Variants in FOXP1 observed in about 807,000 individuals in gnomAD.
FOXP1 encodes the protein forkhead box P1, also known as forkhead box protein P1.
FOXP1 carries 15 observed loss-of-function variants against 98.2 expected under a neutral mutation model. That is an observed-to-expected ratio of 0.15 (90% CI 0.10 to 0.24). The LOEUF is 0.24. Ranked by LOEUF, FOXP1 falls within the 10% of genes least tolerant of loss-of-function variation. FOXP1 has a pLI of 1.00. For missense variants in FOXP1, 633 were observed against 848.5 expected (o/e 0.75, Z 3.15); for synonymous variants, 371 against 314.5 (o/e 1.18, Z -1.90).
intron 6 of FOXP1, among the ~76,000 whole-genome samples, chr3:71,156,021 T>C (rs138510233): frequency 1.3e-5 from 2 of 152,252 alleles, no homozygotes; most frequent in African/African-American, 2.4e-5. Flanking sequence ...TAGGGCTCAG[T>C]TGGGGTTCTC....
chr3:71,009,323 G>A (rs188487680), intron 12 of FOXP1, among the ~76,000 whole-genome samples: 156 of 152,186 alleles, frequency 1.0e-3, no homozygotes, highest in African/African-American at 3.5e-3. Flanking sequence ...ACAGCAAACT[G>A]TGGTCCAAGG....
At chr3:71,549,976 T>A (rs567639368) in intron 2 of FOXP1, among the ~76,000 whole-genome samples, 8 of 151,418 alleles carry the variant, frequency 5.3e-5, no homozygotes, top group East Asian at 1.9e-4. Flanking sequence ...TGTCAAAAAA[T>A]TTTTTTTCAA....
intron 3 of FOXP1, among the ~76,000 whole-genome samples, chr3:71,377,858 T>C (rs2079838666): frequency 6.6e-6 from 1 of 152,238 alleles, no homozygotes; most frequent in Non-Finnish European, 1.5e-5. Flanking sequence ...GCTTCCTTGA[T>C]ACTGAAGATC....
intron 7 of FOXP1, 35 bp downstream of exon 7, chr3:71,112,500 GT>G: frequency 6.8e-7 from 1 of 1,470,154 alleles, no homozygotes; most frequent in South Asian, 1.1e-5. Context: ...ATCCCAAAGG[GT>G]ATAATGTCAA....
intron 2 of FOXP1, among the ~76,000 whole-genome samples, chr3:71,504,393 G>A (rs758872670): frequency 6.6e-6 from 1 of 152,146 alleles, no homozygotes; most frequent in East Asian, 1.9e-4. Context: ...GTGACTCAGC[G>A]GGAAATGGGT....
At chr3:71,327,831 T>C (rs1452228698) in intron 4 of FOXP1, among the ~76,000 whole-genome samples, 1 of 152,206 alleles carries the variant, frequency 6.6e-6, no homozygotes, top group Non-Finnish European at 1.5e-5. Context: ...TAACTCACTC[T>C]TTTTGCTTAT....
chr3:71,544,863 T>C (rs2045231616), intron 2 of FOXP1, among the ~76,000 whole-genome samples: 1 of 151,506 alleles, frequency 6.6e-6, no homozygotes, highest in African/African-American at 2.4e-5. Context: ...TTTTTCCAGA[T>C]TCAGCTTATG....
At chr3:71,338,851 G>T (rs2076843710) in intron 4 of FOXP1, among the ~76,000 whole-genome samples, 1 of 152,192 alleles carries the variant, frequency 6.6e-6, no homozygotes, top group Admixed American at 6.5e-5. Context: ...GTGTGGAAAA[G>T]CAGTAACTAA....
intron 5 of FOXP1, among the ~76,000 whole-genome samples, chr3:71,204,497 G>C (rs957221218): frequency 1.6e-4 from 24 of 152,172 alleles, no homozygotes; most frequent in Admixed American, 6.5e-5. Flanking sequence ...AATCCCAGAT[G>C]AAAGCCACAG....
chr3:71,001,849 A>G (rs2042163310), intron 12 of FOXP1, among the ~76,000 whole-genome samples: 1 of 152,236 alleles, frequency 6.6e-6, no homozygotes, highest in South Asian at 2.1e-4. Context: ...CTTGAAAATA[A>G]AAATTCATGT....
chr3:71,486,652 C>T (rs1328649549), intron 3 of FOXP1, among the ~76,000 whole-genome samples: 3 of 152,136 alleles, frequency 2.0e-5, no homozygotes, highest in Non-Finnish European at 4.4e-5. Context: ...TAAATGATAG[C>T]TTATATGTAC....
chr3:71,146,860 G>A (rs571201685), intron 6 of FOXP1, among the ~76,000 whole-genome samples: 1 of 152,288 alleles, frequency 6.6e-6, no homozygotes, highest in African/African-American at 2.4e-5. Flanking sequence ...TAGTCCCCAG[G>A]GGCTGTGCCC....
chr3:71,099,412 T>G (rs1198541878), intron 7 of FOXP1, among the ~76,000 whole-genome samples: 1 of 152,084 alleles, frequency 6.6e-6, no homozygotes, highest in African/African-American at 2.4e-5. Flanking sequence ...CTCCAGAGGC[T>G]GAGGCGGGAG....
chr3:71,427,535 C>T (rs1560469908), intron 3 of FOXP1, among the ~76,000 whole-genome samples: 1 of 152,218 alleles, frequency 6.6e-6, no homozygotes, highest in Non-Finnish European at 1.5e-5. Flanking sequence ...AAAGGAGCTA[C>T]TGAAGGTTCT....
intron 6 of FOXP1, among the ~76,000 whole-genome samples, chr3:71,117,367 G>A (rs971712384): frequency 6.6e-6 from 1 of 152,198 alleles, no homozygotes; most frequent in Admixed American, 6.5e-5. Flanking sequence ...GATTACAAGT[G>A]TGAGCCACTG....
At chr3:71,246,003 C>A (rs1487245073) in intron 5 of FOXP1, among the ~76,000 whole-genome samples, 1 of 151,808 alleles carries the variant, frequency 6.6e-6, no homozygotes, top group Non-Finnish European at 1.5e-5. Context: ...AAACCACCCC[C>A]CCCCCACCAC....
At chr3:71,277,177 C>A (rs940470595) in intron 5 of FOXP1, among the ~76,000 whole-genome samples, 2 of 151,532 alleles carry the variant, frequency 1.3e-5, no homozygotes, top group Non-Finnish European at 2.9e-5. Context: ...CCAGGATCAT[C>A]TCGATCTCCT....
At chr3:71,231,318 A>G (rs2066268195) in intron 5 of FOXP1, among the ~76,000 whole-genome samples, 1 of 152,192 alleles carries the variant, frequency 6.6e-6, no homozygotes. Flanking sequence ...CTTGTTTTGC[A>G]TTCAAGAGAA....
chr3:71,551,432 T>C (rs986532219), intron 2 of FOXP1, among the ~76,000 whole-genome samples: 1 of 152,212 alleles, frequency 6.6e-6, no homozygotes, highest in African/African-American at 2.4e-5. Flanking sequence ...GTGAATGGCA[T>C]TTCCTTGGTC....
Sources: allele counts gnomAD v4.1 joint callset (sites outside exome capture counted in the v4.1 genomes callset), GRCh38; gene constraint gnomAD v4.1.1; transcripts MANE v1.5; gene names NCBI Gene and HGNC (gene_info 2026-07-23, HGNC 2026-07-21).